DPP10: variants seen among roughly 807,000 people sequenced by gnomAD.
DPP10 encodes the protein dipeptidyl peptidase like 10, also known as inactive dipeptidyl peptidase 10.
DPP10 carries 33 observed loss-of-function variants against 120.9 expected under a neutral mutation model. The ratio of observed to expected loss-of-function variants is 0.27; its 90% CI spans 0.21 to 0.37. The LOEUF (loss-of-function observed/expected upper bound fraction) is 0.37. Among genes scored for constraint, DPP10 ranks in the 10% least tolerant of loss-of-function variants. The pLI is 1.00. For missense variants in DPP10, 816 were observed against 942.8 expected, an observed-to-expected ratio of 0.87 and a Z score of 1.76; for synonymous variants, 337 against 326.1, an observed-to-expected ratio of 1.03 and a Z score of -0.36.
Position 115,777,933 on chromosome 2 carries a change from A to G in DPP10, c.1361+99A>G, listed in dbSNP as rs553761123. 5.3e-6 allele frequency: 7 copies of G among 1,314,590 alleles called. No individual in the cohort carries two copies. In the Admixed American group the frequency reaches 5.6e-5, roughly 11 times the overall value. The allele number at this position is 1,314,590 out of a possible 1,614,324, so 81.4% of individuals were successfully genotyped here. A position where few individuals can be genotyped will look rare whatever the true frequency, so the allele number is the denominator to read the frequency against. ...GGAAAAATTTGAAATGTCTTTTTCA[A>G]CATGGCTAGGAAGAGCCAACTTTGC... On this transcript the variant is annotated intron_variant, in intron 15 of 25. Coordinates refer to ENST00000410059, the MANE Select transcript of DPP10 (RefSeq NM_020868.6).
intron 5 of DPP10, among the ~76,000 whole-genome samples, chr2:115,602,494 G>C (rs1191364327): frequency 3.3e-5 from 5 of 151,976 alleles, no homozygotes; most frequent in African/African-American, 1.2e-4. Flanking sequence ...ACATTCAAAA[G>C]CATCTTTTAA....
At chr2:115,358,322 T>G (rs897818500) in intron 3 of DPP10, among the ~76,000 whole-genome samples, 1 of 152,202 alleles carries the variant, frequency 6.6e-6, no homozygotes, top group Admixed American at 6.5e-5. Flanking sequence ...AGGGGCAAAA[T>G]GCTGCCAGTC....
intron 1 of DPP10, among the ~76,000 whole-genome samples, chr2:114,481,413 A>C (rs1681036924): frequency 1.3e-5 from 2 of 152,096 alleles, no homozygotes; most frequent in Admixed American, 1.3e-4. Flanking sequence ...AATAGAGACA[A>C]CACCAAATGC....
At chr2:115,732,078 ATG>A (rs1285260487) in intron 8 of DPP10, among the ~76,000 whole-genome samples, 1 of 152,080 alleles carries the variant, frequency 6.6e-6, no homozygotes, top group Non-Finnish European at 1.5e-5. Flanking sequence ...TTTCAACGTT[ATG>A]TGTGTGATAC....
At chr2:115,266,107 G>A (rs1216877437) in intron 1 of DPP10, among the ~76,000 whole-genome samples, 10 of 152,082 alleles carry the variant, frequency 6.6e-5, no homozygotes, top group Admixed American at 6.6e-4. Flanking sequence ...TTTAGGAATG[G>A]TTATCAGCAA....
chr2:115,668,161 T>C (rs1041627216), intron 5 of DPP10, among the ~76,000 whole-genome samples: 4 of 152,066 alleles, frequency 2.6e-5, no homozygotes, highest in Non-Finnish European at 5.9e-5. Flanking sequence ...TTTTTTTTGG[T>C]AAGCCCTTTA....
At chr2:115,257,098 C>G (rs532485708) in intron 1 of DPP10, among the ~76,000 whole-genome samples, 2 of 152,324 alleles carry the variant, frequency 1.3e-5, no homozygotes, top group Admixed American at 6.5e-5. Flanking sequence ...CATGTCATAT[C>G]AGCATTTTGG....
chr2:115,645,946 AAGAC>A (rs2087207618), intron 5 of DPP10, among the ~76,000 whole-genome samples: 1 of 152,222 alleles, frequency 6.6e-6, no homozygotes, highest in Non-Finnish European at 1.5e-5. Flanking sequence ...ATAGACAGGA[AAGAC>A]AGAAGAGTCT....
chr2:115,784,585 A>C (rs10184739), intron 17 of DPP10, among the ~76,000 whole-genome samples: 1 of 152,196 alleles, frequency 6.6e-6, no homozygotes, highest in African/African-American at 2.4e-5. Flanking sequence ...CCAGGCTGGA[A>C]TGCAATGGTG....
At chr2:114,924,790 C>CA (rs966367801) in intron 1 of DPP10, among the ~76,000 whole-genome samples, 5 of 151,484 alleles carry the variant, frequency 3.3e-5, no homozygotes, top group Admixed American at 2.0e-4. Flanking sequence ...AAAAAAAAGA[C>CA]AAAAAAACAA....
chr2:115,634,368 A>T (rs2086147817), intron 5 of DPP10, among the ~76,000 whole-genome samples: 1 of 151,908 alleles, frequency 6.6e-6, no homozygotes, highest in Non-Finnish European at 1.5e-5. Flanking sequence ...GAAGCTGCTG[A>T]CCTTTGGATG....
intron 7 of DPP10, among the ~76,000 whole-genome samples, chr2:115,712,401 C>T (rs2092347500): frequency 6.6e-6 from 1 of 151,102 alleles, no homozygotes; most frequent in African/African-American, 2.4e-5. Flanking sequence ...TCACCTCCTG[C>T]TGTGAAGCCC....
At chr2:114,905,276 A>G (rs187461948) in intron 1 of DPP10, among the ~76,000 whole-genome samples, 214 of 152,084 alleles carry the variant, frequency 1.4e-3, no homozygotes, top group Non-Finnish European at 2.4e-3. Context: ...GGGAGTGGGT[A>G]TTACATTTTT....
intron 1 of DPP10, among the ~76,000 whole-genome samples, chr2:115,207,883 G>A (rs944260950): frequency 2.0e-5 from 3 of 152,032 alleles, no homozygotes; most frequent in Admixed American, 1.3e-4. Flanking sequence ...AATCACATTG[G>A]GTGCAGGGAA....
rs912164773 is a variant in DPP10 at position 115,777,952 on chromosome 2, A to G, written c.1361+118A>G. 8 of 947,854 alleles carry G rather than the reference A, an allele frequency of 8.4e-6. No homozygotes were observed. In the African/African-American group the frequency reaches 1.3e-4, roughly 16 times the overall value. 58.7% of individuals were successfully genotyped at this position (947,854 alleles called of 1,614,324 possible). The stretch of plus-strand genomic sequence containing the variant: ...TTTTCAACATGGCTAGGAAGAGCCA[A>G]CTTTGCTGACAAAGCTTCACACTCT... On this transcript the variant is annotated intron_variant, in intron 15 of 25. Transcript: ENST00000410059.
intron 1 of DPP10, among the ~76,000 whole-genome samples, chr2:114,741,181 C>A (rs72830383): frequency 0.021 from 3,149 of 152,286 alleles, 54 homozygotes; most frequent in Middle Eastern, 0.048. Flanking sequence ...ACAAAGCCTG[C>A]ACTCCTACAT....
At chr2:115,203,479 G>A (rs1294655388) in intron 1 of DPP10, among the ~76,000 whole-genome samples, 1 of 152,060 alleles carries the variant, frequency 6.6e-6, no homozygotes, top group Non-Finnish European at 1.5e-5. Flanking sequence ...TGAACAGATT[G>A]GAGAGGGAGA....
chr2:115,161,928 G>A (rs2052403867), intron 1 of DPP10: 1 of 1,442,778 alleles, frequency 6.9e-7, no homozygotes, highest in South Asian at 1.4e-5. Context: ...CGCCCGCGAG[G>A]AAGCGAGCGC....
At chr2:115,668,820 A>G (rs2089656501) in intron 5 of DPP10, among the ~76,000 whole-genome samples, 2 of 152,154 alleles carry the variant, frequency 1.3e-5, no homozygotes, top group Non-Finnish European at 1.5e-5. Context: ...TAGTGTTGGC[A>G]GAAAGGGAGG....
Sources: allele counts gnomAD v4.1 joint callset (sites outside exome capture counted in the v4.1 genomes callset), GRCh38; gene constraint gnomAD v4.1.1; transcripts MANE v1.5; gene names NCBI Gene and HGNC (gene_info 2026-07-23, HGNC 2026-07-21).